XPO4: variants seen among roughly 807,000 people sequenced by gnomAD.
XPO4 encodes the protein exportin-4.
XPO4 carries 39 observed loss-of-function variants against 143.0 expected under a neutral mutation model. The observed-to-expected ratio is 0.27, with a 90% CI of 0.21 to 0.36. XPO4 has a LOEUF of 0.36. Ranked by LOEUF, XPO4 falls within the 10% of genes least tolerant of loss-of-function variation. XPO4 has a pLI of 1.00. For synonymous variants in XPO4, 439 were observed against 474.0 expected, an observed-to-expected ratio of 0.93 and a Z score of 0.96; for missense variants, 907 against 1,348.0, an observed-to-expected ratio of 0.67 and a Z score of 5.12.
chr13:20,800,524 C>G (rs190606888), intron 14 of XPO4, among the ~76,000 whole-genome samples, 199 bp from the exon 15 acceptor site: 1 of 151,936 alleles, frequency 6.6e-6, no homozygotes, highest in Non-Finnish European at 1.5e-5. Context: ...GTGATTTTCC[C>G]GTCAACTTCT....
chr13:20,851,584 C>T (rs1316250419), intron 4 of XPO4: 1 of 477,902 alleles, frequency 2.1e-6, no homozygotes, highest in Non-Finnish European at 2.7e-6. Flanking sequence ...TGGCATGCAC[C>T]TGTAGTCCCA....
At chr13:20,856,937 G>T (rs2060149896) in intron 3 of XPO4, 1 of 982,104 alleles carries the variant, frequency 1.0e-6, no homozygotes, top group South Asian at 4.7e-5. Flanking sequence ...CTAGCTCCCA[G>T]ATCAGCCACC....
At chr13:20,856,783 C>T (rs2138104434) in intron 3 of XPO4, 1 of 948,988 alleles carries the variant, frequency 1.1e-6, no homozygotes. Context: ...CTTTCAGTTC[C>T]TCACTCCACA....
chr13:20,843,982 A>C, intron 4 of XPO4, 96 bp from the exon 5 acceptor site: 1 of 886,256 alleles, frequency 1.1e-6, no homozygotes. Flanking sequence ...TTTTCTCCCT[A>C]ACTTTAGATC....
intron 18 of XPO4, among the ~76,000 whole-genome samples, chr13:20,795,424 A>C (rs112750987): frequency 2.0e-5 from 3 of 152,350 alleles, no homozygotes; most frequent in Admixed American, 6.5e-5. Context: ...TGATCCTTCA[A>C]ACACACTGAA....
chr13:20,868,980 CATT>C (rs1264111536), intron 1 of XPO4, among the ~76,000 whole-genome samples: 1 of 152,094 alleles, frequency 6.6e-6, no homozygotes, highest in Non-Finnish European at 1.5e-5. Context: ...ACTTATCTAA[CATT>C]TTTTGGGGGA....
chr13:20,790,854 G>A (rs960206575), intron 18 of XPO4, among the ~76,000 whole-genome samples: 1 of 152,090 alleles, frequency 6.6e-6, no homozygotes, highest in African/African-American at 2.4e-5. Flanking sequence ...GTATTGGGGA[G>A]GTTAAGAGCA....
intron 1 of XPO4, among the ~76,000 whole-genome samples, chr13:20,886,598 A>T (rs1447812615): frequency 6.6e-6 from 1 of 152,104 alleles, no homozygotes; most frequent in African/African-American, 2.4e-5. Context: ...GGGCAACAGA[A>T]CAAGACTCTG....
intron 16 of XPO4, among the ~76,000 whole-genome samples, chr13:20,798,330 A>G (rs1366489528): frequency 1.3e-5 from 2 of 152,158 alleles, no homozygotes; most frequent in Non-Finnish European, 1.5e-5. Context: ...AAGGAATGCC[A>G]AAGACTGCCA....
At chr13:20,792,438 G>A (rs554927463) in intron 18 of XPO4, among the ~76,000 whole-genome samples, 61 of 152,082 alleles carry the variant, frequency 4.0e-4, no homozygotes, top group South Asian at 1.5e-3. Context: ...TAAAAAAGGC[G>A]GGCACCTATA....
chr13:20,890,572 G>T (rs1295400365), intron 1 of XPO4, among the ~76,000 whole-genome samples: 10 of 152,132 alleles, frequency 6.6e-5, no homozygotes, highest in African/African-American at 2.2e-4. Context: ...GCTGAGGCAG[G>T]CAGATCGCTT....
chr13:20,889,104 C>T (rs1236642903), intron 1 of XPO4, among the ~76,000 whole-genome samples: 5 of 152,070 alleles, frequency 3.3e-5, no homozygotes, highest in Non-Finnish European at 7.4e-5. Context: ...TGAGCCACTG[C>T]ACCCGGCAAA....
chr13:20,898,755 A>G (rs1428125179), intron 1 of XPO4, among the ~76,000 whole-genome samples: 1 of 152,224 alleles, frequency 6.6e-6, no homozygotes, highest in Non-Finnish European at 1.5e-5. Flanking sequence ...ACTGCAAATG[A>G]ATGTGGCATC....
intron 7 of XPO4, 28 bp downstream of exon 7, chr13:20,827,039 G>A (rs1329246422): frequency 1.3e-6 from 2 of 1,484,480 alleles, no homozygotes; most frequent in Non-Finnish European, 1.9e-6. Flanking sequence ...TATGGCTCTT[G>A]CTACCAGAGA....
chr13:20,800,246 A>C lies in XPO4; in HGVS notation c.2057T>G (p.Val686Gly). Residue 686 changes from valine to glycine, a missense_variant, in exon 15 of 23, where the codon GTC becomes GGC. Transcript: ENST00000255305. ...ACTCCAGACTGAGAGGTTACTGATG[A>C]CTTTTTGTAAGAGGTAGCCAATTAT... Reference protein sequence around the residue: ...QWIIGYLLQKVISNLSVWSSE... With the variant: ...QWIIGYLLQKGISNLSVWSSE... The C allele has an allele frequency of 6.2e-7, 1 of 1,614,162 alleles. No homozygotes were observed. The highest frequency in any genetic ancestry group is 2.2e-5 in the East Asian group (1 of 44,872).
chr13:20,823,569 G>GTTT (rs766616591), intron 7 of XPO4, among the ~76,000 whole-genome samples: 3 of 144,116 alleles, frequency 2.1e-5, no homozygotes, highest in South Asian at 2.2e-4. Flanking sequence ...GAATGGTTGT[G>GTTT]TTTTTTTCTT....
At chr13:20,848,657 G>A (rs994838778) in intron 4 of XPO4, 1 of 985,266 alleles carries the variant, frequency 1.0e-6, no homozygotes, top group African/African-American at 1.7e-5. Flanking sequence ...AGCTATAACT[G>A]AAGCTGTATC....
At chr13:20,844,385 T>C (rs1353949695) in intron 4 of XPO4, among the ~76,000 whole-genome samples, 15 of 152,164 alleles carry the variant, frequency 9.9e-5, no homozygotes, top group Admixed American at 9.2e-4. Flanking sequence ...CAAAATATTA[T>C]AGCCAGGTAA....
At chr13:20,799,406 C>T in intron 15 of XPO4, 67 bp from the exon 16 acceptor site, 2 of 1,315,572 alleles carry the variant, frequency 1.5e-6, no homozygotes, top group Non-Finnish European at 1.0e-6. Context: ...TACACATATA[C>T]ACACAAAGAA....
Sources: gnomAD v4.1 joint callset for allele counts (sites outside exome capture counted in the v4.1 genomes callset) on GRCh38, gnomAD v4.1.1 for gene constraint, MANE v1.5 for transcripts, NCBI Gene and HGNC (gene_info 2026-07-23, HGNC 2026-07-21) for gene names.